The following HDLBP variants were observed in gnomAD, a reference collection of about 807,000 sequenced individuals.
The protein encoded by HDLBP is vigilin.
HDLBP carries 30 observed loss-of-function variants against 137.3 expected under a neutral mutation model. That is an observed-to-expected ratio of 0.22 (90% confidence interval 0.16 to 0.30). The LOEUF (loss-of-function observed/expected upper bound fraction) is 0.30. Among genes scored for constraint, HDLBP ranks in the 10% least tolerant of loss-of-function variants. The pLI is 1.00. For synonymous variants in HDLBP, 606 were observed against 596.0 expected, an observed-to-expected ratio of 1.02 and a Z score of -0.24; for missense variants, 1,119 against 1,667.3, an observed-to-expected ratio of 0.67 and a Z score of 5.73.
chr2:241,307,473 G>C (rs1395865110), intron 1 of HDLBP, among the ~76,000 whole-genome samples: 1 of 152,172 alleles, frequency 6.6e-6, no homozygotes, highest in Non-Finnish European at 1.5e-5. Context: ...AATTAACATT[G>C]ACAGTATTAA....
At chr2:241,274,791 A>C (rs1170979242) in intron 1 of HDLBP, among the ~76,000 whole-genome samples, 1 of 152,240 alleles carries the variant, frequency 6.6e-6, no homozygotes, top group Non-Finnish European at 1.5e-5. Context: ...TCGTAGAAGC[A>C]AATTTTAGAA....
In HDLBP at chr2:241,266,445, G is replaced by A. The variant is rs566456630; in HGVS notation, c.76+349C>T. The A allele has an allele frequency of 4.7e-5, 13 of 277,764 alleles. No homozygotes were observed. The East Asian group carries it at 1.1e-3, about 24-fold the overall frequency. The allele number at this position is 277,764 out of a possible 1,614,324, so 17.2% of individuals were successfully genotyped here. ...GGGTCCAGCCTTCATCCTCAAGGCA[G>A]GCTTAAGCAATGCTCTGGGATGCTT... On this transcript the variant is annotated intron_variant, in intron 3 of 27. Coordinates refer to ENST00000310931, the MANE Select transcript of HDLBP (RefSeq NM_005336.6).
chr2:241,263,873 A>G (rs1478908877), intron 4 of HDLBP, among the ~76,000 whole-genome samples: 1 of 152,140 alleles, frequency 6.6e-6, no homozygotes, highest in African/African-American at 2.4e-5. Flanking sequence ...TGCCTGTCCT[A>G]CTGAGTGCTA....
Position 241,253,387 on chromosome 2 carries a change from C to T in HDLBP, c.1293+6G>A, listed in dbSNP as rs1245333772. On this transcript the variant is annotated splice_donor_region_variant and intron_variant, in intron 10 of 27. Transcript: ENST00000310931. ...AGCACACACAACATTCCAAGGGGTACCTTACCAAATCTTTGACCATGCCTT... is the reference window on the plus strand; with the variant it reads ...AGCACACACAACATTCCAAGGGGTATCTTACCAAATCTTTGACCATGCCTT... 6.3e-7 allele frequency: 1 copy of T among 1,582,896 alleles called. No homozygotes were observed. Among genetic ancestry groups the T allele is most frequent in the Admixed American group, 1.7e-5 (1 of 59,986 alleles).
Position 241,249,907 on chromosome 2 carries a change from G to A in HDLBP, c.1446C>T (p.Arg482=). 4 of 1,614,078 alleles carry A rather than the reference G, an allele frequency of 2.5e-6. No individual in the cohort carries two copies. The highest frequency in any genetic ancestry group is 3.4e-6 in the Non-Finnish European group (4 of 1,179,942). ...PPDSEKSNLI[R]IEGDPQGVQQ... ...GCACGCCCTGTGGGTCCCCCTCGAT[G>A]CGGATCAAATTGCTCTTCTCACTGT... The change falls in exon 12 of 28, where the codon CGC becomes CGT. Residue 482 remains arginine (R), a synonymous_variant. Coordinates refer to ENST00000310931, the MANE Select transcript of HDLBP (RefSeq NM_005336.6).
At chr2:241,290,100 TAC>T (rs2074962129) in intron 1 of HDLBP, among the ~76,000 whole-genome samples, 2 of 152,096 alleles carry the variant, frequency 1.3e-5, no homozygotes. Context: ...GTCTTCGGGG[TAC>T]ACAGTTAATG....
At chr2:241,247,708 T>C (rs1340246326) in intron 14 of HDLBP, among the ~76,000 whole-genome samples, 6 of 152,226 alleles carry the variant, frequency 3.9e-5, no homozygotes, top group African/African-American at 1.4e-4. Context: ...ACAATTTCTC[T>C]AAGTATCTGA....
At chr2:241,260,943 C>G (rs2149511063) in intron 5 of HDLBP, among the ~76,000 whole-genome samples, 2 of 152,254 alleles carry the variant, frequency 1.3e-5, no homozygotes, top group Admixed American at 1.3e-4. Flanking sequence ...GTAATTCCAA[C>G]ACTTTGGTAG....
chr2:241,273,332 C>T (rs1041903369), intron 1 of HDLBP: 1 of 769,944 alleles, frequency 1.3e-6, no homozygotes, highest in Non-Finnish European at 1.6e-6. Flanking sequence ...CACCCGATTC[C>T]TTGGCAATCA....
chr2:241,230,983 A>G lies in HDLBP; in HGVS notation c.3289-39T>C. On this transcript the variant is annotated intron_variant, in intron 24 of 27. Transcript: ENST00000310931. The surrounding 1 kb of genome is among the most constrained non-coding windows in gnomAD (Gnocchi z 5.0). ...ATGTAGTCAGAAAAGGGGATGCCTT[A>G]CTGGGATTCCCGTCAGGGGCAAGAG... The G allele has an allele frequency of 6.4e-7, 1 of 1,569,490 alleles. No homozygotes were observed. The highest frequency in any genetic ancestry group is 8.8e-7 in the Non-Finnish European group (1 of 1,141,270).
intron 1 of HDLBP, among the ~76,000 whole-genome samples, chr2:241,275,324 T>C (rs1217140357): frequency 6.6e-6 from 1 of 151,762 alleles, no homozygotes; most frequent in Non-Finnish European, 1.5e-5. Flanking sequence ...CTCAAGAACT[T>C]CGGGAGACAG....
chr2:241,235,375 C>A, intron 22 of HDLBP, 115 bp downstream of exon 22: 1 of 1,504,102 alleles, frequency 6.6e-7, no homozygotes, highest in Non-Finnish European at 9.2e-7. Flanking sequence ...GAAGTCAGTG[C>A]CCAGTCCGAG....
intron 20 of HDLBP, among the ~76,000 whole-genome samples, chr2:241,237,709 A>G (rs2149377444): frequency 7.0e-6 from 1 of 143,500 alleles, no homozygotes; most frequent in Non-Finnish European, 1.5e-5. Flanking sequence ...ATGTCTAAAA[A>G]TGACATTCAG....
chr2:241,254,152 C>T (rs1423933688), intron 9 of HDLBP, among the ~76,000 whole-genome samples: 1 of 152,100 alleles, frequency 6.6e-6, no homozygotes, highest in African/African-American at 2.4e-5. Context: ...GTAGTGCCAG[C>T]TACTTGGGAA....
chr2:241,308,918 CT>C (rs894567670), intron 1 of HDLBP, among the ~76,000 whole-genome samples: 10 of 152,210 alleles, frequency 6.6e-5, no homozygotes, highest in African/African-American at 2.4e-4. Flanking sequence ...GCCCCGGCTT[CT>C]TCCCTGACCT....
chr2:241,311,934 T>C (rs949724873), intron 1 of HDLBP, among the ~76,000 whole-genome samples: 5 of 152,150 alleles, frequency 3.3e-5, no homozygotes, highest in Non-Finnish European at 5.9e-5. Flanking sequence ...CGAAGAGACA[T>C]CACATGAAAC....
At chr2:241,244,364 C>T (rs2071504226) in intron 16 of HDLBP, among the ~76,000 whole-genome samples, 1 of 152,138 alleles carries the variant, frequency 6.6e-6, no homozygotes, top group Non-Finnish European at 1.5e-5. Flanking sequence ...CAATAAACAC[C>T]AAGCTAAGAG....
At position 241,272,702 on chromosome 2, in the gene HDLBP, G is replaced by A. The variant is rs982165360; in HGVS notation, c.-102-4161C>T. On this transcript the variant is annotated intron_variant, in intron 1 of 27. Coordinates refer to ENST00000310931, the MANE Select transcript of HDLBP (RefSeq NM_005336.6). The surrounding 1 kb of genome is among the most constrained non-coding windows in gnomAD (Gnocchi z 5.6). ...CCACCCCCCACCCCCCCGCCCGGCA[G>A]CCCGCCCGCCCCGTCCGCCCGCCCG... 50 of 598,988 alleles carry A rather than the reference G, an allele frequency of 8.3e-5. No individual in the cohort carries two copies. Among genetic ancestry groups the A allele is most frequent in the Middle Eastern group, 1.7e-3 (2 of 1,176 alleles). 37.1% of individuals were successfully genotyped at this position (598,988 alleles called of 1,614,324 possible). A position where few individuals can be genotyped will look rare whatever the true frequency, so the allele number is the denominator to read the frequency against.
chr2:241,247,149 G>A lies in HDLBP; in HGVS notation c.1732-7C>T. The A allele has an allele frequency of 6.3e-7, 1 of 1,582,870 alleles. No individual in the cohort carries two copies. Among genetic ancestry groups the A allele is most frequent in the East Asian group, 2.2e-5 (1 of 44,730 alleles). On this transcript the variant is annotated splice_region_variant and splice_polypyrimidine_tract_variant and intron_variant, in intron 14 of 27. Transcript: ENST00000310931. The stretch of plus-strand genomic sequence containing the variant: ...TTGAATAGCTATTTTCCACCTTAAA[G>A]ACAAAAAACACAGCCCGATTCACCA...
Sources: gnomAD v4.1 joint callset for allele counts (sites outside exome capture counted in the v4.1 genomes callset) on GRCh38, gnomAD v4.1.1 for gene constraint, Gnocchi (gnomAD v3.1) non-coding constraint, MANE v1.5 for transcripts, NCBI Gene and HGNC (gene_info 2026-07-23, HGNC 2026-07-21) for gene names.